The following C8orf58 variants were observed in gnomAD, a reference collection of about 807,000 sequenced individuals.
The protein encoded by C8orf58 is uncharacterized protein C8orf58.
A neutral mutation model predicts 36.8 loss-of-function variants in C8orf58; 31 were observed. The observed-to-expected ratio is 0.84, with a 90% CI of 0.63 to 1.14. C8orf58 has a LOEUF of 1.14. C8orf58 is among the 50% of genes most tolerant of loss of function. C8orf58 has a pLI of 0.00. For missense variants in C8orf58, 538 were observed against 480.8 expected, an observed-to-expected ratio of 1.12 and a Z score of -1.11; for synonymous variants, 230 against 200.2, an observed-to-expected ratio of 1.15 and a Z score of -1.26.
chr8:22,602,831 T>C, intron 6 of C8orf58, 188 bp downstream of exon 6: 1 of 582,942 alleles, frequency 1.7e-6, no homozygotes, highest in Non-Finnish European at 3.0e-6. Context: ...CTGGGTGGGG[T>C]TGGGGGTAGT....
chr8:22,601,767 A>C lies in C8orf58; in HGVS notation c.572A>C (p.Tyr191Ser). The C allele has an allele frequency of 3.1e-6, 5 of 1,612,332 alleles. No homozygotes were observed. Among genetic ancestry groups the C allele is most frequent in the South Asian group, 1.1e-5 (1 of 91,034 alleles). ...WACLPGQGLR[Y>S]LEHLCLVLEQ... ...TGCCTCCCCGGGCAGGGTCTTCGCT[A>C]TCTGGAACACCTGTGCCTGGTGCTG... The change falls in exon 3 of 7, where the codon TAT becomes TCT. Residue 191 changes from tyrosine to serine, a missense_variant. Tyr to Ser is a moderately radical substitution (Grantham distance 144, BLOSUM62 -2). Coordinates refer to ENST00000289989, the MANE Select transcript of C8orf58 (RefSeq NM_001013842.3).
At position 22,599,710 on chromosome 8, in the gene C8orf58, G is replaced by A. The variant is rs995794616; in HGVS notation, c.-11G>A. 1.6e-6 allele frequency: 2 copies of A among 1,213,016 alleles called. No homozygotes were observed. Among genetic ancestry groups the A allele is most frequent in the African/African-American group, 1.6e-5 (1 of 63,094 alleles). 75.1% of individuals were successfully genotyped at this position (1,213,016 alleles called of 1,614,324 possible). A position where few individuals can be genotyped will look rare whatever the true frequency, so the allele number is the denominator to read the frequency against. On this transcript the variant is annotated 5_prime_UTR_variant, in exon 1 of 7. Transcript: ENST00000289989. ...GGCTGCATTGGCCGGGGCCGGGGCC[G>A]GGAGCGGGCCATGATGGGCCGGCGG...
Position 22,603,263 on chromosome 8 carries a change from T to C in C8orf58, c.1055T>C (p.Leu352Ser). The C allele has an allele frequency of 6.2e-7, 1 of 1,613,970 alleles. No homozygotes were observed. The highest frequency in any genetic ancestry group is 8.5e-7 in the Non-Finnish European group (1 of 1,179,992). ...RPHRKTFMPS[L>S]VVKKQRAKNL... ...CACCGGAAGACCTTTATGCCATCATTAGTGGTTAAGAAGCAACGAGCAAAA... is the reference window on the plus strand; with the variant it reads ...CACCGGAAGACCTTTATGCCATCATCAGTGGTTAAGAAGCAACGAGCAAAA... The change falls in exon 7 of 7, where the codon TTA becomes TCA. Residue 352 changes from leucine to serine, a missense_variant. Transcript: ENST00000289989.
intron 1 of C8orf58, 63 bp downstream of exon 1, chr8:22,599,823 A>G (rs1431899038): frequency 2.7e-6 from 2 of 746,542 alleles, no homozygotes; most frequent in Non-Finnish European, 3.6e-6. Flanking sequence ...TCCCGCCCCC[A>G]AGCCGGGCAC....
At chr8:22,600,751 C>T (rs1292042003) in intron 1 of C8orf58, 131 bp from the exon 2 acceptor site, 7 of 719,156 alleles carry the variant, frequency 9.7e-6, no homozygotes, top group Non-Finnish European at 1.6e-5. Flanking sequence ...TCCGGGCTGC[C>T]CGTGGCTGTC....
rs540333170 is a variant in C8orf58 at position 22,602,424 on chromosome 8, T to G, written c.879+112T>G. The G allele has an allele frequency of 3.5e-3, 4,618 of 1,304,622 alleles. 18 individuals carry two copies. The highest frequency in any genetic ancestry group is 4.7e-3 in the Non-Finnish European group (4,372 of 921,792). The allele number at this position is 1,304,622 out of a possible 1,614,324, so 80.8% of individuals were successfully genotyped here. A position where few individuals can be genotyped will look rare whatever the true frequency, so the allele number is the denominator to read the frequency against. On this transcript the variant is annotated intron_variant, in intron 5 of 6. Transcript: ENST00000289989. ...AACTCTGGGGAAATGACAGGATTGATTCCTGTTTGGAGCAGGCGACTTGTC... is the reference window on the plus strand; with the variant it reads ...AACTCTGGGGAAATGACAGGATTGAGTCCTGTTTGGAGCAGGCGACTTGTC...
intron 2 of C8orf58, 153 bp downstream of exon 2, chr8:22,601,510 C>T (rs747060315): frequency 1.0e-4 from 93 of 921,714 alleles, no homozygotes; most frequent in Admixed American, 4.9e-4. Flanking sequence ...CATTTGTGCA[C>T]GGCCACCTCT....
Position 22,603,627 on chromosome 8 carries a change from T to C in C8orf58, c.*321T>C, listed in dbSNP as rs1800942681. Reference sequence around the variant, plus strand: ...GGTGACCTGTCTGGGCCCAGCATGTTGCAGATGTGTATTTATGCGCAATGG... The same window carrying C: ...GGTGACCTGTCTGGGCCCAGCATGTCGCAGATGTGTATTTATGCGCAATGG... On this transcript the variant is annotated 3_prime_UTR_variant, in exon 7 of 7. Transcript: ENST00000289989. 2.3e-6 allele frequency: 1 copy of C among 432,270 alleles called. No homozygotes were observed. The highest frequency in any genetic ancestry group is 4.3e-6 in the Non-Finnish European group (1 of 230,200). The allele number at this position is 432,270 out of a possible 1,614,324, so 26.8% of individuals were successfully genotyped here.
At position 22,602,023 on chromosome 8, in the gene C8orf58, A is replaced by G; in HGVS notation, c.709A>G (p.Thr237Ala). The G allele has an allele frequency of 6.3e-7, 1 of 1,578,100 alleles. No individual in the cohort carries two copies. Among genetic ancestry groups the G allele is most frequent in the African/African-American group, 1.4e-5 (1 of 74,004 alleles). The change falls in exon 4 of 7, where the codon ACC becomes GCC. Residue 237 changes from threonine (T) to alanine (A), a missense_variant. Physicochemically the swap from Thr to Ala is moderately conservative, Grantham distance 58. Coordinates refer to ENST00000289989, the MANE Select transcript of C8orf58 (RefSeq NM_001013842.3). ...TRAPLPSPLH[T>A]PGNRGQGPWE... ...AGCCCCTTTACCGTCCCCGTTACAC[A>G]CCCCAGGCAATCGGGGGCAGGGGCC...
At position 22,602,015 on chromosome 8, in the gene C8orf58, C is replaced by T. The variant is rs139447220; in HGVS notation, c.701C>T (p.Pro234Leu). 110 of 1,576,232 alleles carry T rather than the reference C, an allele frequency of 7.0e-5. No individual in the cohort carries two copies. Among genetic ancestry groups the T allele is most frequent in the African/African-American group, 2.0e-4 (15 of 74,178 alleles). Residue 234 changes from proline to leucine, a missense_variant, in exon 4 of 7, where the codon CCG becomes CTG. By Grantham distance (98) the Pro-to-Leu change is moderately conservative. Transcript: ENST00000289989. ...TCGACCCGAGCCCCTTTACCGTCCC[C>T]GTTACACACCCCAGGCAATCGGGGG... ...EESTRAPLPS[P>L]LHTPGNRGQG...
Position 22,599,762 on chromosome 8 carries a change from TGA to T in C8orf58, c.40+4_40+5del. The T allele has an allele frequency of 8.2e-7, 1 of 1,215,674 alleles. No individual in the cohort carries two copies. Among genetic ancestry groups the T allele is most frequent in the Non-Finnish European group, 1.0e-6 (1 of 977,128 alleles). The allele number at this position is 1,215,674 out of a possible 1,614,324, so 75.3% of individuals were successfully genotyped here. On this transcript the variant is annotated splice_donor_region_variant and intron_variant, in intron 1 of 6. Coordinates refer to ENST00000289989, the MANE Select transcript of C8orf58 (RefSeq NM_001013842.3). ...GCGCCTTCGCCGTGGACGGCCGGGG[TGA>T]GTCACCCACCCCCAGGCTGGCCGGG...
chr8:22,602,744 T>G, intron 6 of C8orf58, 101 bp downstream of exon 6: 1 of 772,874 alleles, frequency 1.3e-6, no homozygotes, highest in South Asian at 1.8e-5. Flanking sequence ...CCCGCAAAAC[T>G]TGAGAGGCAG....
At chr8:22,602,725 A>G (rs1256581302) in intron 6 of C8orf58, 82 bp downstream of exon 6, 2 of 950,164 alleles carry the variant, frequency 2.1e-6, no homozygotes, top group South Asian at 3.3e-5. Flanking sequence ...GCCAGTTGTC[A>G]TTATTGTCCC....
At position 22,602,080 on chromosome 8, in the gene C8orf58, G is replaced by A. The variant is rs1800882072; in HGVS notation, c.766G>A (p.Gly256Arg). ...GCTGCTAAGCCAGACAGAGCACACA[G>A]GTGAGGGGCCATCGTGTCTCCCTTT... ...WELLSQTEHT[G>R]AKAASPPKVE... Residue 256 changes from glycine to arginine, a missense_variant and splice_region_variant, in exon 4 of 7, where the codon GGA (glycine) becomes AGA (arginine). Physicochemically the swap from Gly to Arg is moderately radical, Grantham distance 125. Coordinates refer to ENST00000289989, the MANE Select transcript of C8orf58 (RefSeq NM_001013842.3). 1 of 1,569,018 alleles carries A rather than the reference G, an allele frequency of 6.4e-7. No homozygotes were observed. The highest frequency in any genetic ancestry group is 2.4e-5 in the East Asian group (1 of 42,106).
At chr8:22,600,787 C>G in intron 1 of C8orf58, 95 bp from the exon 2 acceptor site, 1 of 1,089,334 alleles carries the variant, frequency 9.2e-7, no homozygotes, top group Non-Finnish European at 1.3e-6. Flanking sequence ...CTCACTGCTC[C>G]GGGACACTTC....
In C8orf58 at chr8:22,601,795, G is replaced by A. The variant is rs752048591; in HGVS notation, c.600G>A (p.Glu200=). ...TGGAACACCTGTGCCTGGTGCTGGAGCAGATGGCAAGGCTCCAGCAGCTCT... is the reference window on the plus strand; with the variant it reads ...TGGAACACCTGTGCCTGGTGCTGGAACAGATGGCAAGGCTCCAGCAGCTCT... ...RYLEHLCLVL[E]QMARLQQLYL... The change falls in exon 3 of 7, where the codon GAG becomes GAA. Residue 200 remains glutamate, a synonymous_variant. Transcript: ENST00000289989. 1.2e-6 allele frequency: 2 copies of A among 1,612,360 alleles called. No homozygotes were observed. The highest frequency in any genetic ancestry group is 4.5e-5 in the East Asian group (2 of 44,896).
At chr8:22,600,801 C>T in intron 1 of C8orf58, 81 bp from the exon 2 acceptor site, 3 of 1,224,684 alleles carry the variant, frequency 2.4e-6, no homozygotes, top group East Asian at 2.5e-5. Flanking sequence ...ACACTTCTCC[C>T]TGGGGCAGTG....
chr8:22,603,290 A>G lies in C8orf58; in HGVS notation c.1082A>G (p.Asn361Ser). 1.9e-6 allele frequency: 3 copies of G among 1,611,722 alleles called. No homozygotes were observed. Among genetic ancestry groups the G allele is most frequent in the African/African-American group, 1.3e-5 (1 of 74,284 alleles). Residue 361 changes from asparagine to serine, a missense_variant, in exon 7 of 7, where the codon AAC becomes AGC. Physicochemically the swap from Asn to Ser is conservative, Grantham distance 46 (BLOSUM62 1). Transcript: ENST00000289989. ...SLVVKKQRAK[N>S]LSVG Reference sequence around the variant, plus strand: ...GTGGTTAAGAAGCAACGAGCAAAAAACCTTTCTGTAGGCTGAGACCTCTCG... The same window carrying G: ...GTGGTTAAGAAGCAACGAGCAAAAAGCCTTTCTGTAGGCTGAGACCTCTCG...
At position 22,599,775 on chromosome 8, in the gene C8orf58, C is replaced by T; in HGVS notation, c.40+15C>T. The T allele has an allele frequency of 8.3e-7, 1 of 1,206,870 alleles. No homozygotes were observed. Among genetic ancestry groups the T allele is most frequent in the Non-Finnish European group, 1.0e-6 (1 of 968,366 alleles). The allele number at this position is 1,206,870 out of a possible 1,614,324, so 74.8% of individuals were successfully genotyped here. ...GGACGGCCGGGGTGAGTCACCCACC[C>T]CCAGGCTGGCCGGGCTCCCCCCTGC... On this transcript the variant is annotated intron_variant, in intron 1 of 6. Transcript: ENST00000289989.
Sources: gnomAD v4.1 joint callset for allele counts on GRCh38, gnomAD v4.1.1 for gene constraint, MANE v1.5 for transcripts, NCBI Gene and HGNC (gene_info 2026-07-23, HGNC 2026-07-21) for gene names.